Variants in ZMAT4 observed in about 807,000 individuals in gnomAD.
The protein encoded by ZMAT4 is zinc finger matrin-type 4.
Under a neutral mutation model 28.7 loss-of-function variants are expected in ZMAT4, and 17 were observed. The observed-to-expected ratio is 0.59, with a 90% CI of 0.41 to 0.89. The LOEUF (loss-of-function observed/expected upper bound fraction) is 0.89, where lower values mean the gene tolerates loss of function less well. ZMAT4 is among the 40% of genes least tolerant of loss of function. The pLI is 0.00. For missense variants in ZMAT4, 240 were observed against 283.8 expected (o/e 0.85, Z 1.11); for synonymous variants, 117 against 109.2 (o/e 1.07, Z -0.44).
chr8:40,532,379 A>G, intron 6 of ZMAT4, 141 bp from the exon 7 acceptor site: 1 of 599,662 alleles, frequency 1.7e-6, no homozygotes, highest in Non-Finnish European at 2.6e-6. Flanking sequence ...GAATTTGTAA[A>G]GTTAATCTTT....
chr8:40,765,689 A>G lies in ZMAT4; in HGVS notation c.192+1952T>C, dbSNP rs80052881. Among the ~76,000 whole-genome samples, 1,377 of 152,282 alleles carry G rather than the reference A, an allele frequency of 9.0e-3. 22 individuals carry two copies. The highest frequency in any genetic ancestry group is 0.032 in the African/African-American group (1,329 of 41,554). On this transcript the variant is annotated intron_variant, in intron 3 of 6. Transcript: ENST00000297737. ...TATTGGCAGCACCGGAGCTTGATTA[A>G]AGGGGATTGTGCACCTGACCAGAGT...
At chr8:40,602,756 C>T (rs776675483) in intron 5 of ZMAT4, among the ~76,000 whole-genome samples, 1 of 151,600 alleles carries the variant, frequency 6.6e-6, no homozygotes, top group Non-Finnish European at 1.5e-5. Flanking sequence ...TTTTGTTATG[C>T]TTTGTTTTGT....
chr8:40,827,348 A>G (rs1189188532), intron 1 of ZMAT4, among the ~76,000 whole-genome samples: 2 of 152,230 alleles, frequency 1.3e-5, no homozygotes, highest in African/African-American at 4.8e-5. Flanking sequence ...GATCAGTAGT[A>G]TATTTTTAAT....
Position 40,595,363 on chromosome 8 carries a change from C to T in ZMAT4, c.578-14102G>A, listed in dbSNP as rs1585731670. ...GTATAAATGTATACAAACACACACA[C>T]ATATATATATGTGTGTATATATGTA... On this transcript the variant is annotated intron_variant, in intron 5 of 6. Coordinates refer to ENST00000297737, the MANE Select transcript of ZMAT4 (RefSeq NM_024645.3). 2.0e-5 allele frequency among the ~76,000 whole-genome samples: 3 copies of T among 152,132 alleles called. No homozygotes were observed. In the South Asian group the frequency reaches 6.2e-4, roughly 32 times the overall value.
intron 5 of ZMAT4, among the ~76,000 whole-genome samples, chr8:40,620,875 C>G (rs1046728930): frequency 1.3e-5 from 2 of 152,204 alleles, no homozygotes; most frequent in African/African-American, 2.4e-5. Flanking sequence ...CCTTTCAAGT[C>G]TGTGCTTTAC....
intron 5 of ZMAT4, among the ~76,000 whole-genome samples, chr8:40,647,187 C>G (rs1416534339): frequency 6.6e-6 from 1 of 152,128 alleles, no homozygotes; most frequent in African/African-American, 2.4e-5. Context: ...CTAGGGAGTG[C>G]CAGACAGTGG....
chr8:40,668,715 C>G (rs1416072251), intron 5 of ZMAT4, among the ~76,000 whole-genome samples: 1 of 152,000 alleles, frequency 6.6e-6, no homozygotes, highest in East Asian at 1.9e-4. Context: ...CTGCTACCCA[C>G]CTTCCCCACC....
chr8:40,682,412 A>G (rs901779357), intron 4 of ZMAT4, among the ~76,000 whole-genome samples: 5 of 152,206 alleles, frequency 3.3e-5, no homozygotes, highest in Non-Finnish European at 7.3e-5. Flanking sequence ...TCTCTAAAAG[A>G]TCCTGAGAAA....
chr8:40,747,764 C>T (rs1218967012), intron 3 of ZMAT4, among the ~76,000 whole-genome samples: 1 of 152,082 alleles, frequency 6.6e-6, no homozygotes, highest in Non-Finnish European at 1.5e-5. Context: ...TAATGAGAGA[C>T]CAAACAAACT....
In ZMAT4 at chr8:40,641,989, C is replaced by G. The variant is rs10104805; in HGVS notation, c.577+32715G>C. ...AACTCATTTCCTCTCTCTAAAATGG[C>G]CTTATACTCTTTATTTGATTGAAAT... On this transcript the variant is annotated intron_variant, in intron 5 of 6. Transcript: ENST00000297737. Among the ~76,000 whole-genome samples the G allele has an allele frequency of 2.6e-5, 4 of 151,882 alleles. No individual in the cohort carries two copies. In the East Asian group the frequency reaches 7.7e-4, roughly 29 times the overall value.
At chr8:40,712,876 T>C (rs4370522) in intron 3 of ZMAT4, among the ~76,000 whole-genome samples, 92,023 of 151,740 alleles carry the variant, frequency 0.61, 28,521 homozygotes, top group African/African-American at 0.73. Context: ...AAGAATTTGC[T>C]AATTGAATTA....
intron 5 of ZMAT4, among the ~76,000 whole-genome samples, chr8:40,633,385 A>G (rs1806666461): frequency 1.3e-5 from 2 of 152,212 alleles, no homozygotes; most frequent in African/African-American, 4.8e-5. Flanking sequence ...GGAAAGTGAC[A>G]CATGCGATGT....
chr8:40,711,789 G>C (rs1363820094), intron 3 of ZMAT4, among the ~76,000 whole-genome samples: 1 of 152,140 alleles, frequency 6.6e-6, no homozygotes, highest in Admixed American at 6.5e-5. Context: ...TCAGGATAGT[G>C]GTTACTTCTG....
chr8:40,893,447 C>T (rs1227567282), intron 1 of ZMAT4, among the ~76,000 whole-genome samples: 1 of 152,190 alleles, frequency 6.6e-6, no homozygotes, highest in African/African-American at 2.4e-5. Flanking sequence ...AAGTTCAAAT[C>T]TGAGGGATCT....
chr8:40,567,097 G>T (rs1803947794), intron 6 of ZMAT4, among the ~76,000 whole-genome samples: 1 of 152,132 alleles, frequency 6.6e-6, no homozygotes, highest in Non-Finnish European at 1.5e-5. Context: ...GAAGAGAAAA[G>T]ACAGATATAT....
intron 3 of ZMAT4, among the ~76,000 whole-genome samples, chr8:40,760,409 C>T (rs1812875251): frequency 6.6e-6 from 1 of 152,210 alleles, no homozygotes; most frequent in African/African-American, 2.4e-5. Context: ...CCGAGCCCCT[C>T]CTACTGGCCA....
At chr8:40,603,596 A>G (rs1229027411) in intron 5 of ZMAT4, among the ~76,000 whole-genome samples, 2 of 152,136 alleles carry the variant, frequency 1.3e-5, no homozygotes, top group East Asian at 3.9e-4. Flanking sequence ...GTTGTCTATA[A>G]TTTCTTTCAG....
chr8:40,863,594 G>A (rs567117961), intron 1 of ZMAT4, among the ~76,000 whole-genome samples: 57 of 152,334 alleles, frequency 3.7e-4, no homozygotes, highest in Admixed American at 7.2e-4. Flanking sequence ...TAAGTTGAAA[G>A]TTCCTATGCA....
rs1216031870 is a variant in ZMAT4 at position 40,581,242 on chromosome 8, T to C, written c.597A>G (p.Arg199=). ...TTAGGGAGACACTGCAGATGGTACA[T>C]CTGTAATTGCGCCTCAGACCTGTGG... ...GELRGLRRNY[R]CTICSVSLNS... Residue 199 remains arginine (R), a synonymous_variant, in exon 6 of 7, where the codon AGA becomes AGG. Coordinates refer to ENST00000297737, the MANE Select transcript of ZMAT4 (RefSeq NM_024645.3). 1.1e-5 allele frequency: 18 copies of C among 1,613,146 alleles called. No homozygotes were observed. The highest frequency in any genetic ancestry group is 5.1e-6 in the Non-Finnish European group (6 of 1,179,418).
Sources: gnomAD v4.1 joint callset for allele counts (sites outside exome capture counted in the v4.1 genomes callset) on GRCh38, gnomAD v4.1.1 for gene constraint, MANE v1.5 for transcripts, NCBI Gene and HGNC (gene_info 2026-07-23, HGNC 2026-07-21) for gene names.